The following TTLL4 variants were observed in gnomAD, a reference collection of about 807,000 sequenced individuals.
TTLL4 encodes the protein tubulin tyrosine ligase like 4, also known as tubulin monoglutamylase TTLL4.
A neutral mutation model predicts 122.7 loss-of-function variants in TTLL4; 85 were observed. That is an observed-to-expected ratio of 0.69 (90% CI 0.58 to 0.83). The LOEUF (loss-of-function observed/expected upper bound fraction) is 0.83, where lower values mean the gene tolerates loss of function less well. Ranked by LOEUF, TTLL4 falls within the 40% of genes least tolerant of loss-of-function variation. TTLL4 has a pLI of 0.00. For synonymous variants in TTLL4, 553 were observed against 563.0 expected (o/e 0.98, Z 0.25); for missense variants, 1,363 against 1,488.6 (o/e 0.92, Z 1.39).
chr2:218,738,742 T>A lies in TTLL4; in HGVS notation c.1066T>A (p.Cys356Ser). Residue 356 changes from cysteine to serine, a missense_variant, in exon 3 of 20, where the codon TGC becomes AGC. This residue lies in a region of TTLL4 where 760 missense variants were observed against 808.4 expected (regional missense o/e 0.94). Coordinates refer to ENST00000392102, the MANE Select transcript of TTLL4 (RefSeq NM_014640.5). ...CTTTGAGAAGATGCCGAGGCAAGGC[T>A]GCCAGCTTGAACAGTCTAGTTTCCT... ...RGFEKMPRQG[C>S]QLEQSSFLNP... The A allele has an allele frequency of 6.2e-7, 1 of 1,614,220 alleles. No individual in the cohort carries two copies. Among genetic ancestry groups the A allele is most frequent in the Non-Finnish European group, 8.5e-7 (1 of 1,180,040 alleles).
chr2:218,723,213 C>T (rs918649226), intron 1 of TTLL4, among the ~76,000 whole-genome samples: 3 of 152,242 alleles, frequency 2.0e-5, no homozygotes, highest in African/African-American at 7.2e-5. Flanking sequence ...GAGCTTGCCA[C>T]AGTGCCCTCC....
chr2:218,749,392 G>A lies in TTLL4; in HGVS notation c.2735+5G>A. ...GGAAGTCAACATTTCCCCAAGGTAG[G>A]TGGTATTCTCAGGACACTCACCATA... On this transcript the variant is annotated splice_donor_5th_base_variant and intron_variant, in intron 14 of 19. Transcript: ENST00000392102. 1 of 1,614,064 alleles carries A rather than the reference G, an allele frequency of 6.2e-7. No individual in the cohort carries two copies. Among genetic ancestry groups the A allele is most frequent in the Non-Finnish European group, 8.5e-7 (1 of 1,180,002 alleles).
At position 218,754,165 on chromosome 2, in the gene TTLL4, C is replaced by G; in HGVS notation, c.3376C>G (p.Leu1126Val). The G allele has an allele frequency of 1.2e-6, 2 of 1,614,206 alleles. No individual in the cohort carries two copies. The highest frequency in any genetic ancestry group is 1.7e-6 in the Non-Finnish European group (2 of 1,180,040). The change falls in exon 20 of 20, where the codon CTC becomes GTC. Residue 1126 changes from leucine to valine, a missense_variant. Transcript: ENST00000392102. ...AAGCTCCTGTGAGGTTAGCCTACTA[C>G]TCTCTGAAGACGGGACCACGCCCAA... ...KQSSCEVSLL[L>V]SEDGTTPKSK...
In TTLL4 at chr2:218,742,677, A is replaced by G. The variant is rs145832908; in HGVS notation, c.1661+2093A>G. On this transcript the variant is annotated intron_variant, in intron 5 of 19. Transcript: ENST00000392102. ...GTTTGTTTTTTAAATTAAGCTTGTG[A>G]TATTGAGATAATTATAGATTTCACA... Among the ~76,000 whole-genome samples the G allele has an allele frequency of 4.4e-3, 668 of 152,312 alleles. 5 individuals carry two copies. The highest frequency in any genetic ancestry group is 0.015 in the African/African-American group (629 of 41,572).
chr2:218,736,039 A>G (rs1245526873), intron 2 of TTLL4, among the ~76,000 whole-genome samples: 1 of 131,962 alleles, frequency 7.6e-6, no homozygotes, highest in African/African-American at 3.0e-5. Flanking sequence ...CAGTGGTGCT[A>G]TCTTGGTTTG....
intron 4 of TTLL4, 65 bp downstream of exon 4, chr2:218,740,232 C>A: frequency 1.4e-6 from 2 of 1,461,856 alleles, no homozygotes; most frequent in Non-Finnish European, 1.9e-6. Context: ...AGGGGGCTGA[C>A]AATTGTGTAC....
At position 218,750,047 on chromosome 2, in the gene TTLL4, G is replaced by A; in HGVS notation, c.2774G>A (p.Gly925Asp). The change falls in exon 15 of 20, where the codon GGC (glycine) becomes GAC (aspartate). Residue 925 changes from glycine (G) to aspartate (D), a missense_variant. Coordinates refer to ENST00000392102, the MANE Select transcript of TTLL4 (RefSeq NM_014640.5). ...SSSPLDISIK[G>D]QMIRDLLNLA... ...TCTCCACTGGATATCAGCATCAAAGGCCAGATGATTCGTGACCTTCTGAAT... is the reference window on the plus strand; with the variant it reads ...TCTCCACTGGATATCAGCATCAAAGACCAGATGATTCGTGACCTTCTGAAT... The A allele has an allele frequency of 4.3e-6, 7 of 1,614,054 alleles. No homozygotes were observed. Among genetic ancestry groups the A allele is most frequent in the Non-Finnish European group, 5.9e-6 (7 of 1,179,986 alleles).
At chr2:218,733,617 T>C (rs1009583035) in intron 2 of TTLL4, among the ~76,000 whole-genome samples, 1 of 152,106 alleles carries the variant, frequency 6.6e-6, no homozygotes, top group Non-Finnish European at 1.5e-5. Context: ...TGCAGAGATA[T>C]GAGATCTGGA....
At chr2:218,715,786 C>T (rs1477267927) in intron 1 of TTLL4, among the ~76,000 whole-genome samples, 13 of 152,246 alleles carry the variant, frequency 8.5e-5, no homozygotes, top group Non-Finnish European at 5.9e-5. Context: ...CCCGCCACCA[C>T]GCCTGGCTAA....
chr2:218,729,211 G>T (rs1303186025), intron 2 of TTLL4, among the ~76,000 whole-genome samples: 1 of 152,146 alleles, frequency 6.6e-6, no homozygotes, highest in African/African-American at 2.4e-5. Context: ...TGGGATTACA[G>T]ACGTGAGCCA....
intron 2 of TTLL4, among the ~76,000 whole-genome samples, chr2:218,728,898 A>G (rs946117995): frequency 2.1e-5 from 3 of 145,478 alleles, no homozygotes; most frequent in Non-Finnish European, 4.5e-5. Flanking sequence ...GGGTTGAGGC[A>G]TGGACAGGGA....
chr2:218,759,368 CAGT>C (rs1373549107), downstream of TTLL4, among the ~76,000 whole-genome samples: 1 of 152,208 alleles, frequency 6.6e-6, no homozygotes, highest in African/African-American at 2.4e-5. Context: ...TGGGCCAACA[CAGT>C]GGGACCCTGT....
At chr2:218,745,265 AG>A in intron 6 of TTLL4, 32 bp downstream of exon 6, 1 of 1,612,860 alleles carries the variant, frequency 6.2e-7, no homozygotes, top group Non-Finnish European at 8.5e-7. Context: ...AGCCCAGAAG[AG>A]CCCCCGGGGA....
Position 218,754,533 on chromosome 2 carries a change from G to C in TTLL4, c.*144G>C. The C allele has an allele frequency of 8.8e-7, 1 of 1,131,636 alleles. No homozygotes were observed. Among genetic ancestry groups the C allele is most frequent in the Non-Finnish European group, 1.2e-6 (1 of 810,220 alleles). The allele number at this position is 1,131,636 out of a possible 1,614,324, so 70.1% of individuals were successfully genotyped here. A position where few individuals can be genotyped will look rare whatever the true frequency, so the allele number is the denominator to read the frequency against. On this transcript the variant is annotated 3_prime_UTR_variant, in exon 20 of 20. Coordinates refer to ENST00000392102, the MANE Select transcript of TTLL4 (RefSeq NM_014640.5). The stretch of plus-strand genomic sequence containing the variant: ...TATTTTTTGAAGTGGTTGCATTATA[G>C]AGATGGGTATTTGTAGGGCCGGAGG...
Position 218,738,042 on chromosome 2 carries a change from C to T in TTLL4, c.366C>T (p.Ser122=), listed in dbSNP as rs1318375589. The part of the protein sequence containing the change: ...FNSTLLYRRS[S]YRQKPYQQLE... ...GCACCCTGCTATACCGCCGCTCCAG[C>T]TATAGGCAAAAACCGTACCAGCAAC... The change falls in exon 3 of 20, where the codon AGC becomes AGT. Residue 122 remains serine, a synonymous_variant. Coordinates refer to ENST00000392102, the MANE Select transcript of TTLL4 (RefSeq NM_014640.5). 1 of 1,614,158 alleles carries T rather than the reference C, an allele frequency of 6.2e-7. No individual in the cohort carries two copies. Among genetic ancestry groups the T allele is most frequent in the East Asian group, 2.2e-5 (1 of 44,862 alleles).
intron 2 of TTLL4, among the ~76,000 whole-genome samples, chr2:218,734,168 C>T (rs979775144): frequency 1.3e-5 from 2 of 152,156 alleles, no homozygotes; most frequent in Non-Finnish European, 2.9e-5. Context: ...AGGAAAGTTA[C>T]TTAACTTTTC....
chr2:218,747,877 A>G lies in TTLL4; in HGVS notation c.2378+152A>G. 1 of 1,240,990 alleles carries G rather than the reference A, an allele frequency of 8.1e-7. No individual in the cohort carries two copies. Among genetic ancestry groups the G allele is most frequent in the South Asian group, 1.4e-5 (1 of 69,010 alleles). 76.9% of individuals were successfully genotyped at this position (1,240,990 alleles called of 1,614,324 possible). On this transcript the variant is annotated intron_variant, in intron 11 of 19. Coordinates refer to ENST00000392102, the MANE Select transcript of TTLL4 (RefSeq NM_014640.5). This position sits in a 1 kb window ranked among gnomAD's most constrained non-coding sequence, Gnocchi z 4.7. ...AAATATGGAGGCTCTCTACTTCGTT[A>G]AATCTGGGGAGGGTCTTCCTGCATG...
Position 218,747,346 on chromosome 2 carries a change from CA to C in TTLL4, c.2225del (p.Lys742SerfsTer57), listed in dbSNP as rs1260208523. The C allele has an allele frequency of 1.2e-6, 2 of 1,614,072 alleles. No homozygotes were observed. Among genetic ancestry groups the C allele is most frequent in the African/African-American group, 2.7e-5 (2 of 74,926 alleles). On this transcript the variant is annotated frameshift_variant, in exon 10 of 20. Transcript: ENST00000392102. LOFTEE classifies it high-confidence loss of function. The surrounding 1 kb of genome is among the most constrained non-coding windows in gnomAD (Gnocchi z 4.7). ...TTATTCACAAGTGGAGTCAGCTCCC[CA>C]AGCGAAGGCCCCTCCTGGTACAGAG... ...QVIHKWSQLP[K>X]RRPLLVQRYL...
chr2:218,759,205 A>G (rs1294999244), downstream of TTLL4, among the ~76,000 whole-genome samples: 1 of 151,982 alleles, frequency 6.6e-6, no homozygotes, highest in Non-Finnish European at 1.5e-5. Context: ...AGATCGCCCC[A>G]TTGCACTCCA....
Sources: gnomAD v4.1 joint callset for allele counts (sites outside exome capture counted in the v4.1 genomes callset) on GRCh38, gnomAD v4.1.1 for gene constraint, gnomAD v4.1.1 regional missense constraint, Gnocchi (gnomAD v3.1) non-coding constraint, MANE v1.5 for transcripts, NCBI Gene and HGNC (gene_info 2026-07-23, HGNC 2026-07-21) for gene names.